The following KCNMA1 variants were observed in gnomAD, a reference collection of about 807,000 sequenced individuals.
KCNMA1 encodes the protein potassium calcium-activated channel subfamily M alpha 1.
In KCNMA1, 29 loss-of-function variants were observed where a neutral mutation model predicts 140.0. The ratio of observed to expected loss-of-function variants is 0.21; its 90% CI spans 0.15 to 0.28. The LOEUF (loss-of-function observed/expected upper bound fraction) is 0.28. Among genes scored for constraint, KCNMA1 ranks in the 10% least tolerant of loss-of-function variants. The probability of loss-of-function intolerance (pLI) is 1.00; values close to 1 mark genes in which losing one functional copy is unlikely to be tolerated. For missense variants in KCNMA1, 880 were observed against 1,602.2 expected, an observed-to-expected ratio of 0.55 and a Z score of 7.70; for synonymous variants, 612 against 611.9, an observed-to-expected ratio of 1.00 and a Z score of 0.00.
chr10:76,891,660 C>A lies in KCNMA1; in HGVS notation c.3207G>T (p.Thr1069=). The change falls in exon 26 of 28, where the codon ACG becomes ACT. Residue 1069 remains threonine, a synonymous_variant. Coordinates refer to ENST00000286628, the MANE Select transcript of KCNMA1 (RefSeq NM_001161352.2). The part of the protein sequence containing the change: ...LIRTLVTGGA[T]PELEALIAEE... ...CAGCAATCAGAGCCTCCAGCTCCGG[C>A]GTGGCTCCTCCGGTCACCAGGGTCC... 1.9e-6 allele frequency: 3 copies of A among 1,614,112 alleles called. No homozygotes were observed. Among genetic ancestry groups the A allele is most frequent in the Non-Finnish European group, 2.5e-6 (3 of 1,180,016 alleles).
At chr10:77,447,206 G>A (rs564740512) in intron 1 of KCNMA1, among the ~76,000 whole-genome samples, 2 of 152,348 alleles carry the variant, frequency 1.3e-5, no homozygotes, top group Non-Finnish European at 2.9e-5. Flanking sequence ...GGGCCCAAAG[G>A]GATCATCTCT....
At chr10:77,100,223 A>G (rs2097062252) in intron 9 of KCNMA1, among the ~76,000 whole-genome samples, 1 of 152,164 alleles carries the variant, frequency 6.6e-6, no homozygotes, top group South Asian at 2.1e-4. Flanking sequence ...TGTTGAGCCA[A>G]TATGTTAGAA....
chr10:77,557,961 T>G (rs1247795936), intron 1 of KCNMA1, among the ~76,000 whole-genome samples: 3 of 152,230 alleles, frequency 2.0e-5, no homozygotes, highest in Non-Finnish European at 4.4e-5. Flanking sequence ...AATGGAATTA[T>G]AGAAAGATTG....
intron 5 of KCNMA1, among the ~76,000 whole-genome samples, chr10:77,146,383 A>G (rs1469642202): frequency 6.6e-6 from 1 of 152,078 alleles, no homozygotes; most frequent in Non-Finnish European, 1.5e-5. Context: ...ATGAAACCTG[A>G]ATGTCTATGA....
At chr10:77,339,245 T>C (rs2090187142) in intron 2 of KCNMA1, among the ~76,000 whole-genome samples, 1 of 152,050 alleles carries the variant, frequency 6.6e-6, no homozygotes, top group Non-Finnish European at 1.5e-5. Context: ...TCTCTTATAT[T>C]TCCTCTCTTG....
chr10:77,465,383 G>A (rs572476359), intron 1 of KCNMA1, among the ~76,000 whole-genome samples: 372 of 152,282 alleles, frequency 2.4e-3, no homozygotes, highest in Admixed American at 4.6e-3. Context: ...CTGGCTCCAG[G>A]ATGGCACCTC....
intron 3 of KCNMA1, among the ~76,000 whole-genome samples, chr10:77,221,609 A>G (rs971463453): frequency 6.6e-6 from 1 of 152,230 alleles, no homozygotes; most frequent in Non-Finnish European, 1.5e-5. Context: ...TGTGATTATT[A>G]CATAATAAGT....
intron 3 of KCNMA1, among the ~76,000 whole-genome samples, chr10:77,236,150 C>A (rs568007613): frequency 6.0e-4 from 92 of 152,214 alleles, no homozygotes; most frequent in African/African-American, 2.1e-3. Flanking sequence ...GAGGCCCGGG[C>A]GAACTTTCTC....
chr10:77,010,646 CCA>C (rs769647760), intron 18 of KCNMA1, among the ~76,000 whole-genome samples: 2 of 151,858 alleles, frequency 1.3e-5, no homozygotes, highest in African/African-American at 2.4e-5. Context: ...AGAGTGCACC[CCA>C]AGGGAATTTT....
intron 14 of KCNMA1, among the ~76,000 whole-genome samples, chr10:77,053,554 C>A (rs1365721267): frequency 2.0e-5 from 3 of 152,130 alleles, no homozygotes; most frequent in African/African-American, 7.2e-5. Context: ...CTGCTGACTC[C>A]GTATCTCACC....
At chr10:76,971,266 A>G (rs1195070167) in intron 19 of KCNMA1, among the ~76,000 whole-genome samples, 1 of 152,234 alleles carries the variant, frequency 6.6e-6, no homozygotes, top group Non-Finnish European at 1.5e-5. Flanking sequence ...GATGACATCA[A>G]AAGAGACTTG....
chr10:77,088,912 C>T (rs2096754118), intron 10 of KCNMA1, among the ~76,000 whole-genome samples: 1 of 152,208 alleles, frequency 6.6e-6, no homozygotes, highest in African/African-American at 2.4e-5. Context: ...AAAATGACTT[C>T]AGCATCCCTT....
At chr10:77,291,685 C>T (rs1266770495) in intron 2 of KCNMA1, among the ~76,000 whole-genome samples, 1 of 152,172 alleles carries the variant, frequency 6.6e-6, no homozygotes, top group East Asian at 1.9e-4. Context: ...CGGTGAGCTG[C>T]TTCATGGGTC....
intron 14 of KCNMA1, among the ~76,000 whole-genome samples, chr10:77,045,630 C>T (rs138319074): frequency 2.0e-4 from 31 of 152,338 alleles, no homozygotes; most frequent in African/African-American, 6.5e-4. Context: ...CTTGGCTCCA[C>T]GGGAAGTCAC....
At chr10:77,269,062 T>G (rs57187539) in intron 2 of KCNMA1, among the ~76,000 whole-genome samples, 1 of 152,186 alleles carries the variant, frequency 6.6e-6, no homozygotes, top group Non-Finnish European at 1.5e-5. Context: ...AGTGAAGAAC[T>G]GCCCCAGTTC....
intron 1 of KCNMA1, among the ~76,000 whole-genome samples, chr10:77,540,240 T>G (rs1394905800): frequency 6.6e-6 from 1 of 152,174 alleles, no homozygotes; most frequent in Non-Finnish European, 1.5e-5. Context: ...TGCCTAGAAC[T>G]GGCTTGCAGA....
chr10:77,563,334 A>T (rs893943857), intron 1 of KCNMA1, among the ~76,000 whole-genome samples: 1 of 150,960 alleles, frequency 6.6e-6, no homozygotes, highest in African/African-American at 2.4e-5. Flanking sequence ...ACCGCATAGA[A>T]TTCTCAAATG....
intron 23 of KCNMA1, among the ~76,000 whole-genome samples, chr10:76,922,101 A>G (rs2056056672): frequency 6.6e-6 from 1 of 152,180 alleles, no homozygotes; most frequent in Admixed American, 6.5e-5. Context: ...AAGCCTAATG[A>G]CAGTGCTTGG....
At chr10:77,121,859 C>T (rs746651899) in intron 5 of KCNMA1, among the ~76,000 whole-genome samples, 1 of 152,154 alleles carries the variant, frequency 6.6e-6, no homozygotes, top group African/African-American at 2.4e-5. Context: ...TCAGTCAGTC[C>T]TGGGCTATAA....
Sources: gnomAD v4.1 joint callset for allele counts (sites outside exome capture counted in the v4.1 genomes callset) on GRCh38, gnomAD v4.1.1 for gene constraint, MANE v1.5 for transcripts, NCBI Gene and HGNC (gene_info 2026-07-23, HGNC 2026-07-21) for gene names.